KDM1A: variants seen among roughly 807,000 people sequenced by gnomAD.
KDM1A encodes the protein lysine demethylase 1A.
Under a neutral mutation model 109.4 loss-of-function variants are expected in KDM1A, and 49 were observed. The observed-to-expected ratio is 0.45, with a 90% CI of 0.36 to 0.57. The LOEUF (loss-of-function observed/expected upper bound fraction) is 0.57. KDM1A is among the 20% of genes least tolerant of loss of function. KDM1A has a pLI of 0.00. For missense variants in KDM1A, 668 were observed against 1,116.6 expected (o/e 0.60, Z 5.73); for synonymous variants, 380 against 415.4 (o/e 0.91, Z 1.04).
intron 2 of KDM1A, among the ~76,000 whole-genome samples, chr1:23,032,026 C>T (rs1174956462): frequency 6.6e-6 from 1 of 152,108 alleles, no homozygotes; most frequent in African/African-American, 2.4e-5. Flanking sequence ...TCCTTCTGTT[C>T]TTACCTCCAA....
chr1:23,051,477 C>G (rs1642667843), intron 4 of KDM1A, among the ~76,000 whole-genome samples: 1 of 152,320 alleles, frequency 6.6e-6, no homozygotes, highest in African/African-American at 2.4e-5. Flanking sequence ...CCGCATTGCC[C>G]TGCCCATTTT....
chr1:23,048,536 A>G (rs1459224944), intron 3 of KDM1A, among the ~76,000 whole-genome samples: 1 of 152,116 alleles, frequency 6.6e-6, no homozygotes, highest in Non-Finnish European at 1.5e-5. Flanking sequence ...GTGAGACACA[A>G]TGTTTATGTC....
chr1:23,029,920 G>A (rs1295378967), intron 1 of KDM1A, among the ~76,000 whole-genome samples: 2 of 152,228 alleles, frequency 1.3e-5, no homozygotes, highest in African/African-American at 4.8e-5. Context: ...GATTATAGGC[G>A]TGAGCCACTG....
At chr1:23,042,080 G>T (rs1642353948) in intron 2 of KDM1A, among the ~76,000 whole-genome samples, 1 of 152,130 alleles carries the variant, frequency 6.6e-6, no homozygotes, top group South Asian at 2.1e-4. Context: ...AGTTGGAAAA[G>T]AAGGGAAATG....
chr1:23,044,460 G>A lies in KDM1A; in HGVS notation c.551G>A (p.Gly184Glu). 2 of 1,612,888 alleles carry A rather than the reference G, an allele frequency of 1.2e-6. No individual in the cohort carries two copies. Among genetic ancestry groups the A allele is most frequent in the Non-Finnish European group, 1.7e-6 (2 of 1,179,734 alleles). The change falls in exon 3 of 21, where the codon GGA (glycine) becomes GAA (glutamate). Residue 184 changes from glycine (G) to glutamate (E), a missense_variant. This residue lies in a region of KDM1A where 149 missense variants were observed against 189.7 expected (regional missense o/e 0.79). Coordinates refer to ENST00000400181, the MANE Select transcript of KDM1A (RefSeq NM_001009999.3). ...GGAGGACTTCAAGACGACAGTTCTG[G>A]AGGGTATGGAGACGGCCAAGCATCA... ...QAGGLQDDSS[G>E]GYGDGQASGV...
Position 23,079,471 on chromosome 1 carries a change from TA to T in KDM1A, c.2056-81del, listed in dbSNP as rs1643558205. ...TGCTGGGCTTATTTTGAAAGCAGAT[TA>T]GAAGAGACTTTAAGGAAGTCTGTTG... On this transcript the variant is annotated intron_variant, in intron 17 of 20. Transcript: ENST00000400181. The surrounding 1 kb of genome is among the most constrained non-coding windows in gnomAD (Gnocchi z 5.6). 5 of 1,013,022 alleles carry T rather than the reference TA, an allele frequency of 4.9e-6. 1 individual carries two copies. The highest frequency in any genetic ancestry group is 2.1e-4 in the Middle Eastern group (1 of 4,712). The allele number at this position is 1,013,022 out of a possible 1,614,324, so 62.8% of individuals were successfully genotyped here.
chr1:23,081,741 A>G, intron 19 of KDM1A, 168 bp downstream of exon 19: 1 of 769,110 alleles, frequency 1.3e-6, no homozygotes, highest in Non-Finnish European at 2.0e-6. Flanking sequence ...GGGTTCAGAA[A>G]ACCCCCCAGG....
intron 1 of KDM1A, among the ~76,000 whole-genome samples, chr1:23,027,737 T>TC (rs1553125154): frequency 3.5e-4 from 53 of 150,860 alleles, no homozygotes; most frequent in Non-Finnish European, 7.2e-4. Context: ...TTTTTTTTTT[T>TC]AAGCTTGCTT....
chr1:23,038,254 T>TTGTGTGTGTG (rs56016343), intron 2 of KDM1A, among the ~76,000 whole-genome samples: 60 of 149,320 alleles, frequency 4.0e-4, no homozygotes, highest in Middle Eastern at 6.8e-3. Context: ...CTGGAACTGT[T>TTGTGTGTGTG]TGTGTGTGTG....
At chr1:23,055,861 C>A in intron 6 of KDM1A, 71 bp from the exon 7 acceptor site, 3 of 931,052 alleles carry the variant, frequency 3.2e-6, no homozygotes, top group South Asian at 1.7e-5. Flanking sequence ...TAGAGGTTTT[C>A]ATGAAATAAG....
Position 23,019,938 on chromosome 1 carries a change from G to T in KDM1A, c.342G>T (p.Lys114Asn). Residue 114 changes from lysine (K) to asparagine (N), a missense_variant, in exon 1 of 21, where the codon AAG becomes AAT. Physicochemically the swap from Lys to Asn is moderately conservative, Grantham distance 94 (BLOSUM62 0). Coordinates refer to ENST00000400181, the MANE Select transcript of KDM1A (RefSeq NM_001009999.3). ...TPEGRRTSRRKRAKVEYREMD... is the reference protein window; with the variant it reads ...TPEGRRTSRRNRAKVEYREMD... The stretch of plus-strand genomic sequence containing the variant: ...AGGGGCGTCGGACCAGCCGGCGCAA[G>T]CGGGCGAAGGTAAGGCTCGACCCTT... The T allele has an allele frequency of 6.4e-7, 1 of 1,566,162 alleles. No homozygotes were observed. The highest frequency in any genetic ancestry group is 8.6e-7 in the Non-Finnish European group (1 of 1,159,010).
intron 5 of KDM1A, 104 bp from the exon 6 acceptor site, chr1:23,054,965 C>T: frequency 1.5e-6 from 1 of 687,658 alleles, no homozygotes; most frequent in Admixed American, 2.6e-5. Flanking sequence ...TGACTTGAAG[C>T]TTAATGGTTT....
At chr1:23,080,176 GCAGA>G (rs1422717482) in intron 18 of KDM1A, among the ~76,000 whole-genome samples, 6 of 152,168 alleles carry the variant, frequency 3.9e-5, no homozygotes, top group African/African-American at 1.2e-4. Context: ...CCTTGTCAGT[GCAGA>G]CACATCAGCT....
chr1:23,065,662 C>T (rs1643140326), intron 9 of KDM1A, among the ~76,000 whole-genome samples: 1 of 152,154 alleles, frequency 6.6e-6, no homozygotes, highest in Admixed American at 6.5e-5. Context: ...GTCCTGTCAT[C>T]TGGTGTCAGT....
chr1:23,031,123 G>A (rs890315455), intron 2 of KDM1A, among the ~76,000 whole-genome samples: 7 of 152,126 alleles, frequency 4.6e-5, no homozygotes, highest in Non-Finnish European at 2.9e-5. Flanking sequence ...GTGAACAAAT[G>A]TAAAAATATA....
chr1:23,081,365 G>A (rs981105924), intron 18 of KDM1A, 81 bp from the exon 19 acceptor site: 8 of 1,509,774 alleles, frequency 5.3e-6, no homozygotes, highest in Non-Finnish European at 7.3e-6. Flanking sequence ...CAGAGCACCA[G>A]GAATAAGGTG....
At chr1:23,053,398 T>C (rs961872643) in intron 4 of KDM1A, among the ~76,000 whole-genome samples, 1 of 152,214 alleles carries the variant, frequency 6.6e-6, no homozygotes, top group African/African-American at 2.4e-5. Context: ...TTTATTTTTA[T>C]TTTTTGAGGT....
At chr1:23,020,835 T>C (rs1641603489) in intron 1 of KDM1A, among the ~76,000 whole-genome samples, 2 of 152,156 alleles carry the variant, frequency 1.3e-5, no homozygotes, top group South Asian at 4.1e-4. Context: ...ATTCCCACAT[T>C]CATGTTGTTA....
At chr1:23,041,967 C>G (rs951578759) in intron 2 of KDM1A, among the ~76,000 whole-genome samples, 5 of 152,012 alleles carry the variant, frequency 3.3e-5, no homozygotes, top group African/African-American at 1.2e-4. Flanking sequence ...GGTAAGAAAT[C>G]CATCTTTTTT....
Sources: allele counts gnomAD v4.1 joint callset (sites outside exome capture counted in the v4.1 genomes callset), GRCh38; gene constraint gnomAD v4.1.1; regional missense constraint gnomAD v4.1.1; non-coding constraint Gnocchi (gnomAD v3.1); transcripts MANE v1.5; gene names NCBI Gene and HGNC (gene_info 2026-07-23, HGNC 2026-07-21).